DST: variants seen among roughly 807,000 people sequenced by gnomAD.
DST encodes the protein bullous pemphigoid antigen.
A neutral mutation model predicts 875.2 loss-of-function variants in DST; 253 were observed. The observed-to-expected ratio is 0.29, with a 90% confidence interval of 0.26 to 0.32. The LOEUF (loss-of-function observed/expected upper bound fraction) is 0.32, where lower values mean the gene tolerates loss of function less well. Ranked by LOEUF, DST falls within the 10% of genes least tolerant of loss-of-function variation. The probability of loss-of-function intolerance (pLI) is 1.00; values close to 1 mark genes in which losing one functional copy is unlikely to be tolerated. For missense variants in DST, 8,287 were observed against 9,111.6 expected (o/e 0.91, Z 3.68); for synonymous variants, 3,124 against 3,197.1 (o/e 0.98, Z 0.77).
intron 2 of DST, among the ~76,000 whole-genome samples, chr6:56,906,854 C>T (rs962141323): frequency 2.6e-5 from 4 of 152,168 alleles, no homozygotes; most frequent in Admixed American, 2.0e-4. Flanking sequence ...GCTTCATTTC[C>T]TCATCAACAA....
At chr6:56,837,076 T>G (rs918221102) in intron 4 of DST, among the ~76,000 whole-genome samples, 4 of 152,068 alleles carry the variant, frequency 2.6e-5, no homozygotes, top group African/African-American at 9.7e-5. Flanking sequence ...ACAAACAGAC[T>G]GATAAGGTAT....
chr6:56,879,669 T>C (rs146323542), intron 3 of DST, among the ~76,000 whole-genome samples: 54 of 152,344 alleles, frequency 3.5e-4, no homozygotes, highest in African/African-American at 1.3e-3. Context: ...TTAAGTAGTA[T>C]ACCATGATTA....
intron 4 of DST, among the ~76,000 whole-genome samples, chr6:56,737,734 G>A (rs560385641): frequency 2.0e-5 from 3 of 152,210 alleles, no homozygotes; most frequent in Non-Finnish European, 2.9e-5. Flanking sequence ...AAGCTCTACT[G>A]GACAACACTG....
intron 71 of DST, among the ~76,000 whole-genome samples, chr6:56,516,175 A>AAG (rs149845075): frequency 6.1e-5 from 7 of 114,352 alleles, no homozygotes; most frequent in Non-Finnish European, 9.9e-5. Flanking sequence ...GAGAAAGAGA[A>AAG]AGAAAGAGAA....
At chr6:56,865,501 A>C (rs1004418236) in intron 3 of DST, among the ~76,000 whole-genome samples, 3 of 151,928 alleles carry the variant, frequency 2.0e-5, no homozygotes, top group Non-Finnish European at 4.4e-5. Context: ...ACACCTGGCT[A>C]ATTTTTTTGT....
chr6:56,906,438 C>A (rs190598443), intron 2 of DST, among the ~76,000 whole-genome samples: 12 of 152,250 alleles, frequency 7.9e-5, no homozygotes, highest in Admixed American at 4.6e-4. Context: ...TAGACGTGTT[C>A]AAAATGATGG....
chr6:56,572,880 T>A lies in DST; in HGVS notation c.13421A>T (p.Glu4474Val), dbSNP rs1390015935. 6.2e-7 allele frequency: 1 copy of A among 1,613,482 alleles called. No homozygotes were observed. Among genetic ancestry groups the A allele is most frequent in the African/African-American group, 1.3e-5 (1 of 75,036 alleles). ...KHKETLAKME[E>V]LKTKVELFEN... ...AAACAGTTCTACTTTGGTTTTTAGC[T>A]CCTCCATTTTGGCAAGAGTTTCTTT... Residue 4474 changes from glutamate to valine, a missense_variant, in exon 52 of 104, where the codon GAG becomes GTG. Coordinates refer to ENST00000680361, the MANE Select transcript of DST (RefSeq NM_001374736.1).
At chr6:56,887,164 T>C (rs892897417) in intron 3 of DST, among the ~76,000 whole-genome samples, 1 of 152,206 alleles carries the variant, frequency 6.6e-6, no homozygotes, top group East Asian at 1.9e-4. Context: ...TCACTAAAAG[T>C]ACTGAAGCAG....
intron 3 of DST, among the ~76,000 whole-genome samples, chr6:56,883,201 A>G (rs1419506340): frequency 6.6e-6 from 1 of 152,186 alleles, no homozygotes; most frequent in Non-Finnish European, 1.5e-5. Context: ...TGTTTCAATG[A>G]TGATTCTAGT....
At chr6:56,816,003 G>C (rs1385235146) in intron 4 of DST, among the ~76,000 whole-genome samples, 2 of 152,146 alleles carry the variant, frequency 1.3e-5, no homozygotes, top group Non-Finnish European at 2.9e-5. Context: ...AAGTAAGATT[G>C]AGTAATTTAT....
At chr6:56,890,413 G>A (rs984987263) in intron 3 of DST, among the ~76,000 whole-genome samples, 11 of 152,148 alleles carry the variant, frequency 7.2e-5, no homozygotes, top group Admixed American at 1.3e-4. Flanking sequence ...TGGAGATCTG[G>A]ATCTAATTAT....
chr6:56,690,158 T>G (rs1312876687), intron 9 of DST, among the ~76,000 whole-genome samples: 1 of 152,218 alleles, frequency 6.6e-6, no homozygotes, highest in Non-Finnish European at 1.5e-5. Flanking sequence ...ATAATTTAAC[T>G]CAGGTAATCT....
Position 56,913,406 on chromosome 6 carries a change from C to T in DST, c.217-12785G>A, listed in dbSNP as rs897717856. 3.3e-5 allele frequency among the ~76,000 whole-genome samples: 5 copies of T among 152,122 alleles called. No individual in the cohort carries two copies. The East Asian group carries it at 9.6e-4, about 29-fold the overall frequency. The stretch of plus-strand genomic sequence containing the variant: ...CAGCAACCTGATATGTGCTCTCCAC[C>T]AAAGGTCAGCAAACTATCACTCTTC... On this transcript the variant is annotated intron_variant, in intron 2 of 103. Coordinates refer to ENST00000680361, the MANE Select transcript of DST (RefSeq NM_001374736.1).
chr6:56,619,303 C>T (rs1563234878), intron 36 of DST: 1 of 1,612,060 alleles, frequency 6.2e-7, no homozygotes, highest in Non-Finnish European at 8.5e-7. Context: ...TAGTAAGCTC[C>T]TCTACTTTTT....
chr6:56,607,273 T>C lies in DST; in HGVS notation c.7355A>G (p.Asn2452Ser). The change falls in exon 40 of 104, where the codon AAT becomes AGT. Residue 2452 changes from asparagine (N) to serine (S), a missense_variant. Asn to Ser is a conservative substitution (Grantham distance 46). Coordinates refer to ENST00000680361, the MANE Select transcript of DST (RefSeq NM_001374736.1). ...DKLMHSQGSFNDTHTPESNGN... is the reference protein window; with the variant it reads ...DKLMHSQGSFSDTHTPESNGN... ...ATTGCTCTCTGGGGTGTGTGTATCA[T>C]TAAAACTTCCCTGACTGTGCATCAA... is the stretch of plus-strand genomic sequence containing the variant. The C allele has an allele frequency of 6.2e-7, 1 of 1,613,576 alleles. No individual in the cohort carries two copies. The highest frequency in any genetic ancestry group is 8.5e-7 in the Non-Finnish European group (1 of 1,179,654).
intron 65 of DST, 87 bp from the exon 66 acceptor site, chr6:56,529,861 T>C (rs1031615718): frequency 6.9e-7 from 1 of 1,458,268 alleles, no homozygotes; most frequent in African/African-American, 1.4e-5. Context: ...AAGCATGACA[T>C]GTTAAATGGA....
intron 4 of DST, among the ~76,000 whole-genome samples, chr6:56,758,674 T>C (rs1235526119): frequency 1.3e-5 from 2 of 152,200 alleles, no homozygotes; most frequent in African/African-American, 4.8e-5. Flanking sequence ...ATGTTAACTA[T>C]TGGCTGGAAC....
intron 2 of DST, among the ~76,000 whole-genome samples, chr6:56,940,068 TA>T (rs1011531873): frequency 1.3e-4 from 19 of 151,204 alleles, no homozygotes; most frequent in African/African-American, 3.4e-4. Flanking sequence ...AGAAGTGGAA[TA>T]AAAAAAAGTT....
chr6:56,801,392 G>A (rs914675839), intron 4 of DST, among the ~76,000 whole-genome samples: 10 of 152,056 alleles, frequency 6.6e-5, no homozygotes, highest in Non-Finnish European at 1.0e-4. Context: ...AGGAAATACC[G>A]CTATCTGAGA....
Sources: gnomAD v4.1 joint callset for allele counts (sites outside exome capture counted in the v4.1 genomes callset) on GRCh38, gnomAD v4.1.1 for gene constraint, MANE v1.5 for transcripts, NCBI Gene and HGNC (gene_info 2026-07-23, HGNC 2026-07-21) for gene names.